DEPDC5: variants seen among roughly 807,000 people sequenced by gnomAD.
DEPDC5 encodes the protein DEP domain containing 5, GATOR1 subcomplex subunit.
Under a neutral mutation model 217.3 loss-of-function variants are expected in DEPDC5, and 73 were observed. The ratio of observed to expected loss-of-function variants is 0.34; its 90% CI spans 0.28 to 0.41. The LOEUF is 0.41. Ranked by LOEUF, DEPDC5 falls within the 10% of genes least tolerant of loss-of-function variation. The pLI, the probability that DEPDC5 is intolerant of heterozygous loss-of-function variation, is 1.00. For missense variants in DEPDC5, 1,675 were observed against 2,070.1 expected (o/e 0.81, Z 3.70); for synonymous variants, 733 against 756.7 (o/e 0.97, Z 0.51).
In DEPDC5 at chr22:31,874,423, G is replaced by T; in HGVS notation, c.3696+18G>T. On this transcript the variant is annotated intron_variant, in intron 36 of 42. Coordinates refer to ENST00000651528, the MANE Select transcript of DEPDC5 (RefSeq NM_001242896.3). ...TCATGCAGGTGAGACAGCAAGAGGG[G>T]CCCATAGAGCTGTTTGCTTAGGTCC... is the stretch of plus-strand genomic sequence containing the variant. The T allele has an allele frequency of 1.9e-6, 3 of 1,598,806 alleles. No individual in the cohort carries two copies. The highest frequency in any genetic ancestry group is 2.6e-6 in the Non-Finnish European group (3 of 1,172,512).
intron 33 of DEPDC5, among the ~76,000 whole-genome samples, chr22:31,863,025 AT>A (rs1028438475): frequency 6.6e-6 from 1 of 151,898 alleles, no homozygotes; most frequent in Admixed American, 6.6e-5. Flanking sequence ...CTAATTTTTT[AT>A]TTTTTTAGAG....
chr22:31,815,809 A>G (rs1354966587), intron 21 of DEPDC5: 5 of 1,230,764 alleles, frequency 4.1e-6, no homozygotes, highest in Non-Finnish European at 5.1e-6. Context: ...GATTACAGGC[A>G]TGAACCAATG....
At chr22:31,798,528 A>G in intron 13 of DEPDC5, 54 bp from the exon 14 acceptor site, 1 of 1,533,072 alleles carries the variant, frequency 6.5e-7, no homozygotes, top group Non-Finnish European at 8.9e-7. Flanking sequence ...AAATTAAAAA[A>G]AAAAGTTCAT....
intron 26 of DEPDC5, 168 bp downstream of exon 26, chr22:31,837,323 C>A: frequency 3.0e-6 from 2 of 669,638 alleles, no homozygotes; most frequent in Non-Finnish European, 4.7e-6. Flanking sequence ...TTTAAAAAAA[C>A]ATTGAATTGT....
chr22:31,770,686 C>G (rs868433400), intron 7 of DEPDC5, among the ~76,000 whole-genome samples: 2 of 151,572 alleles, frequency 1.3e-5, no homozygotes, highest in African/African-American at 2.4e-5. Flanking sequence ...GCTACCTCAC[C>G]CGGCATATTT....
At chr22:31,838,336 A>G (rs980735195) in intron 26 of DEPDC5, among the ~76,000 whole-genome samples, 2 of 152,090 alleles carry the variant, frequency 1.3e-5, no homozygotes, top group Non-Finnish European at 2.9e-5. Context: ...TCCAGGCTGA[A>G]GTGCAGTGAT....
intron 15 of DEPDC5, 161 bp from the exon 16 acceptor site, chr22:31,804,001 G>C: frequency 1.6e-6 from 1 of 632,710 alleles, no homozygotes; most frequent in Non-Finnish European, 2.7e-6. Flanking sequence ...CAAAATGAAT[G>C]TATTTACTTC....
intron 41 of DEPDC5, among the ~76,000 whole-genome samples, chr22:31,905,107 C>G (rs932503086): frequency 2.0e-4 from 31 of 152,088 alleles, no homozygotes; most frequent in African/African-American, 7.5e-4. Context: ...AGGAATAGAA[C>G]AAGCCATAGA....
At chr22:31,776,245 G>A (rs376817845) in intron 7 of DEPDC5, among the ~76,000 whole-genome samples, 1 of 151,736 alleles carries the variant, frequency 6.6e-6, no homozygotes. Flanking sequence ...CTAGGTAGCT[G>A]GGACTACAGC....
In DEPDC5 at chr22:31,778,039, C is replaced by T; in HGVS notation, c.414-60C>T. On this transcript the variant is annotated intron_variant, in intron 7 of 42. Coordinates refer to ENST00000651528, the MANE Select transcript of DEPDC5 (RefSeq NM_001242896.3). Reference sequence around the variant, plus strand: ...CTGGGATTACAGGCGTGAGCTATTGCACCAGGCATGTATTGGTTTCATGTA... The same window carrying T: ...CTGGGATTACAGGCGTGAGCTATTGTACCAGGCATGTATTGGTTTCATGTA... The T allele has an allele frequency of 3.8e-6, 6 of 1,574,828 alleles. No individual in the cohort carries two copies. In the South Asian group the frequency reaches 6.7e-5, roughly 17 times the overall value.
intron 5 of DEPDC5, 28 bp downstream of exon 5, chr22:31,765,088 CT>C: frequency 1.3e-6 from 2 of 1,567,452 alleles, no homozygotes; most frequent in Non-Finnish European, 1.8e-6. Flanking sequence ...ACTTGAATAT[CT>C]TTTTGGAATA....
At chr22:31,903,564 T>C (rs1000193333) in intron 41 of DEPDC5, among the ~76,000 whole-genome samples, 5 of 196 alleles carry the variant, frequency 0.026, no homozygotes, top group Admixed American at 0.083. Context: ...ACACCTACCC[T>C]CCCCCCACCT....
intron 10 of DEPDC5, among the ~76,000 whole-genome samples, chr22:31,789,426 C>A (rs2085383105): frequency 6.6e-6 from 1 of 152,034 alleles, no homozygotes; most frequent in South Asian, 2.1e-4. Context: ...TATGAAATGT[C>A]CAGAATAGGT....
intron 31 of DEPDC5, chr22:31,852,903 C>T (rs1055689042): frequency 1.8e-4 from 28 of 152,198 alleles, no homozygotes; most frequent in African/African-American, 5.1e-4. Context: ...AGGAGGCTCC[C>T]GCTAGTCCAG....
intron 12 of DEPDC5, among the ~76,000 whole-genome samples, chr22:31,794,551 T>G (rs2086028910): frequency 1.3e-5 from 2 of 152,138 alleles, no homozygotes; most frequent in Admixed American, 6.6e-5. Context: ...ACTGGTTATC[T>G]TTTTCTTACT....
chr22:31,815,737 C>G, intron 21 of DEPDC5: 1 of 965,438 alleles, frequency 1.0e-6, no homozygotes. Context: ...TTTTACCATT[C>G]CCAGGCTGGT....
At chr22:31,904,441 T>TA (rs1205164763) in intron 41 of DEPDC5, among the ~76,000 whole-genome samples, 1 of 152,088 alleles carries the variant, frequency 6.6e-6, no homozygotes, top group African/African-American at 2.4e-5. Flanking sequence ...TAGCCTTAAT[T>TA]AGAAAGTAGA....
chr22:31,843,761 A>G lies in DEPDC5; in HGVS notation c.2750A>G (p.Lys917Arg). ...TCCCACGAACGGCTGGAGGAGTACAAGTGGAATTACTTAGATCAGTATATC... is the reference window on the plus strand; with the variant it reads ...TCCCACGAACGGCTGGAGGAGTACAGGTGGAATTACTTAGATCAGTATATC... Reference protein sequence around the residue: ...EFSHERLEEYKWNYLDQYICS... With the variant: ...EFSHERLEEYRWNYLDQYICS... The change falls in exon 29 of 43, where the codon AAG becomes AGG. Residue 917 changes from lysine (K) to arginine (R), a missense_variant. Transcript: ENST00000651528. The G allele has an allele frequency of 3.7e-6, 6 of 1,613,998 alleles. No homozygotes were observed. The highest frequency in any genetic ancestry group is 3.3e-5 in the Admixed American group (2 of 60,014).
In DEPDC5 at chr22:31,768,907, CT is replaced by C. The variant is rs761516610; in HGVS notation, c.413+45del. 2.5e-6 allele frequency: 4 copies of C among 1,606,108 alleles called. No individual in the cohort carries two copies. In the South Asian group the frequency reaches 4.4e-5, roughly 18 times the overall value. On this transcript the variant is annotated intron_variant, in intron 7 of 42. Transcript: ENST00000651528. ...TTGCCTTATCTGTGCAGTAACTGGG[CT>C]ACATAAAGCAGTGGAGGCGTATGGA...
Sources: allele counts gnomAD v4.1 joint callset (sites outside exome capture counted in the v4.1 genomes callset), GRCh38; gene constraint gnomAD v4.1.1; transcripts MANE v1.5; gene names NCBI Gene and HGNC (gene_info 2026-07-23, HGNC 2026-07-21).